The following RAD51B variants were observed in gnomAD, a reference collection of about 807,000 sequenced individuals.
RAD51B encodes the protein DNA repair protein RAD51 homolog 2.
RAD51B carries 38 observed loss-of-function variants against 42.2 expected under a neutral mutation model. The observed-to-expected ratio is 0.90, with a 90% CI of 0.70 to 1.18. The LOEUF (loss-of-function observed/expected upper bound fraction) is 1.18, where lower values mean the gene tolerates loss of function less well. Among genes scored for constraint, RAD51B ranks in the 50% most tolerant of loss-of-function variants. The pLI, the probability that RAD51B is intolerant of heterozygous loss-of-function variation, is 0.00. For missense variants in RAD51B, 373 were observed against 400.7 expected (o/e 0.93, Z 0.59); for synonymous variants, 154 against 145.2 (o/e 1.06, Z -0.43).
At chr14:68,544,239 TG>T (rs1389568546) in intron 10 of RAD51B, among the ~76,000 whole-genome samples, 5 of 152,218 alleles carry the variant, frequency 3.3e-5, no homozygotes, top group African/African-American at 4.8e-5. Flanking sequence ...CTCACTGTTT[TG>T]TTTGACTCTG....
chr14:68,095,220 A>G (rs1436843851), intron 7 of RAD51B, among the ~76,000 whole-genome samples: 1 of 152,214 alleles, frequency 6.6e-6, no homozygotes, highest in East Asian at 1.9e-4. Context: ...ATTGGCATTT[A>G]TCATTTGATG....
chr14:68,456,869 A>ATTTTT (rs71129889), intron 9 of RAD51B, among the ~76,000 whole-genome samples: 3 of 66,458 alleles, frequency 4.5e-5, no homozygotes, highest in Non-Finnish European at 6.1e-5. Context: ...CAATGGAATG[A>ATTTTT]TTTTTTTTTT....
chr14:68,366,205 A>G (rs979053217), intron 8 of RAD51B, among the ~76,000 whole-genome samples: 1 of 152,192 alleles, frequency 6.6e-6, no homozygotes, highest in African/African-American at 2.4e-5. Context: ...TCTCTGGACC[A>G]TCTGTTAATG....
chr14:67,901,568 G>C (rs2043613446), intron 7 of RAD51B, among the ~76,000 whole-genome samples: 1 of 152,080 alleles, frequency 6.6e-6, no homozygotes, highest in Admixed American at 6.5e-5. Flanking sequence ...TCCAGTCTTT[G>C]GGAATCACAC....
chr14:68,427,823 G>A (rs957422821), intron 9 of RAD51B, among the ~76,000 whole-genome samples: 1 of 152,168 alleles, frequency 6.6e-6, no homozygotes, highest in African/African-American at 2.4e-5. Flanking sequence ...AATTTGGGGG[G>A]CTGGGGCCAG....
chr14:68,147,935 C>G (rs910054252), intron 7 of RAD51B, among the ~76,000 whole-genome samples: 27 of 152,194 alleles, frequency 1.8e-4, no homozygotes, highest in African/African-American at 6.3e-4. Flanking sequence ...ATTAACATGT[C>G]TTTTATCCTT....
At chr14:67,921,871 C>A (rs1361759903) in intron 7 of RAD51B, among the ~76,000 whole-genome samples, 2 of 152,084 alleles carry the variant, frequency 1.3e-5, no homozygotes, top group Non-Finnish European at 2.9e-5. Context: ...AGCGTGGCCC[C>A]TGTTTGAGTG....
chr14:68,269,390 G>T (rs986576332), intron 7 of RAD51B, among the ~76,000 whole-genome samples: 1 of 152,176 alleles, frequency 6.6e-6, no homozygotes, highest in Admixed American at 6.5e-5. Context: ...AGTAATTCCA[G>T]CCATGCTGAT....
intron 7 of RAD51B, among the ~76,000 whole-genome samples, chr14:68,031,373 A>G (rs1395967597): frequency 6.6e-6 from 1 of 152,216 alleles, no homozygotes; most frequent in Non-Finnish European, 1.5e-5. Context: ...GATGATTACA[A>G]TTCAAGGTGA....
In RAD51B at chr14:68,537,017, G is replaced by A. The variant is rs1024193527; in HGVS notation, c.1037-57468G>A. 2.0e-5 allele frequency among the ~76,000 whole-genome samples: 3 copies of A among 148,096 alleles called. No homozygotes were observed. The South Asian group carries it at 6.5e-4, about 32-fold the overall frequency. On this transcript the variant is annotated intron_variant, in intron 10 of 10. Transcript: ENST00000487270. ...GATCACTTGAGCATGGGAGGTAGAA[G>A]CTGCAGTGAGCCATGCAGTGAGCCA...
At chr14:68,360,566 C>T (rs2083002852) in intron 8 of RAD51B, among the ~76,000 whole-genome samples, 1 of 152,192 alleles carries the variant, frequency 6.6e-6, no homozygotes. Flanking sequence ...CATCTCTAAT[C>T]CTCCCAACAA....
intron 7 of RAD51B, among the ~76,000 whole-genome samples, chr14:68,021,415 C>A (rs184429436): frequency 2.4e-4 from 37 of 152,256 alleles, no homozygotes; most frequent in African/African-American, 8.7e-4. Flanking sequence ...TCTCTTACAG[C>A]CAGAATGTTT....
At chr14:67,897,373 A>G (rs949561119) in intron 7 of RAD51B, among the ~76,000 whole-genome samples, 1 of 152,200 alleles carries the variant, frequency 6.6e-6, no homozygotes, top group African/African-American at 2.4e-5. Context: ...TCCAAAATAT[A>G]TAAATAACTC....
chr14:68,549,409 ATTT>A (rs71129897), intron 10 of RAD51B, among the ~76,000 whole-genome samples: 11 of 63,578 alleles, frequency 1.7e-4, no homozygotes, highest in East Asian at 1.6e-3. Flanking sequence ...CCCTGGACAC[ATTT>A]TTTTTTTTTT....
intron 9 of RAD51B, among the ~76,000 whole-genome samples, chr14:68,413,731 T>C (rs1041634328): frequency 2.0e-5 from 3 of 152,278 alleles, no homozygotes; most frequent in East Asian, 1.9e-4. Context: ...TGAAAAACCA[T>C]AGAAGCCATA....
intron 10 of RAD51B, chr14:68,562,174 G>T (rs981612611): frequency 2.0e-6 from 2 of 985,244 alleles, no homozygotes; most frequent in African/African-American, 1.7e-5. Flanking sequence ...CGCTTACAAC[G>T]CATCAAATTT....
At chr14:68,085,234 T>C (rs1018687093) in intron 7 of RAD51B, among the ~76,000 whole-genome samples, 5 of 152,218 alleles carry the variant, frequency 3.3e-5, no homozygotes, top group Non-Finnish European at 5.9e-5. Flanking sequence ...TTATTGTACC[T>C]CCTGTTCTTT....
At chr14:68,055,928 A>G (rs1189450080) in intron 7 of RAD51B, among the ~76,000 whole-genome samples, 1 of 152,212 alleles carries the variant, frequency 6.6e-6, no homozygotes, top group African/African-American at 2.4e-5. Context: ...GAGCATGAGC[A>G]TCACTGGGAG....
intron 7 of RAD51B, among the ~76,000 whole-genome samples, chr14:68,281,083 G>GA (rs1469259286): frequency 6.6e-6 from 1 of 151,844 alleles, no homozygotes; most frequent in African/African-American, 2.4e-5. Flanking sequence ...AAAAATAGAA[G>GA]AAAAAGAAGT....
Sources: gnomAD v4.1 joint callset for allele counts (sites outside exome capture counted in the v4.1 genomes callset) on GRCh38, gnomAD v4.1.1 for gene constraint, MANE v1.5 for transcripts, NCBI Gene and HGNC (gene_info 2026-07-23, HGNC 2026-07-21) for gene names.